GLYATL2: variants seen among roughly 807,000 people sequenced by gnomAD.
The protein encoded by GLYATL2 is glycine N-acyltransferase-like protein 2.
In GLYATL2, 25 loss-of-function variants were observed where a neutral mutation model predicts 21.4. That is an observed-to-expected ratio of 1.17 (90% CI 0.85 to 1.63). The LOEUF (loss-of-function observed/expected upper bound fraction) is 1.63, where lower values mean the gene tolerates loss of function less well. Among genes scored for constraint, GLYATL2 ranks in the 40% most tolerant of loss-of-function variants. The pLI is 0.00. For missense variants in GLYATL2, 361 were observed against 343.3 expected (o/e 1.05, Z -0.41); for synonymous variants, 114 against 118.2 (o/e 0.96, Z 0.23).
chr11:58,851,395 G>C (rs1163139531), intron 1 of GLYATL2, among the ~76,000 whole-genome samples: 4 of 152,068 alleles, frequency 2.6e-5, no homozygotes, highest in African/African-American at 4.8e-5. Context: ...CGCACTGGTT[G>C]ATTTGCATAT....
chr11:58,848,848 C>T (rs750006846), upstream of GLYATL2, among the ~76,000 whole-genome samples: 9 of 152,070 alleles, frequency 5.9e-5, no homozygotes, highest in Non-Finnish European at 1.0e-4. Context: ...TATCTGAGTA[C>T]AGGAAAGTTG....
At chr11:58,838,169 T>G (rs1230420019) in intron 3 of GLYATL2, 92 bp downstream of exon 3, 25 of 802,040 alleles carry the variant, frequency 3.1e-5, no homozygotes, top group Non-Finnish European at 3.1e-5. Flanking sequence ...GTCAATGTTC[T>G]TCTCACCACT....
At chr11:58,877,760 A>G (rs1387818501) in intron 1 of GLYATL2, among the ~76,000 whole-genome samples, 1 of 152,220 alleles carries the variant, frequency 6.6e-6, no homozygotes, top group Non-Finnish European at 1.5e-5. Flanking sequence ...TCCCAATTAG[A>G]TAAGATTAGG....
In GLYATL2 at chr11:58,886,596, A is replaced by C. The variant is rs556176921; in HGVS notation, n.60+17560T>G. ...ATACTGTATGTTAAACACTTAGTACATAGCACATAATTTTAAATAGTATCT... is the reference window on the plus strand; with the variant it reads ...ATACTGTATGTTAAACACTTAGTACCTAGCACATAATTTTAAATAGTATCT... On this transcript the variant is annotated intron_variant and non_coding_transcript_variant, in intron 1 of 4. Coordinates refer to the GLYATL2 transcript ENST00000533636. 6.6e-5 allele frequency among the ~76,000 whole-genome samples: 10 copies of C among 152,354 alleles called. No individual in the cohort carries two copies. The East Asian group carries it at 7.7e-4, about 12-fold the overall frequency.
chr11:58,904,024 C>T (rs1349492543), intron 1 of GLYATL2: 1 of 152,220 alleles, frequency 6.6e-6, no homozygotes, highest in Non-Finnish European at 1.5e-5. Flanking sequence ...TTGCTCAAGT[C>T]AAAAGCCCAA....
At chr11:58,869,259 T>C (rs1320616826) in intron 1 of GLYATL2, among the ~76,000 whole-genome samples, 1 of 152,168 alleles carries the variant, frequency 6.6e-6, no homozygotes, top group African/African-American at 2.4e-5. Flanking sequence ...ATAACACTGT[T>C]TGGCTCCAGT....
intron 1 of GLYATL2, among the ~76,000 whole-genome samples, chr11:58,876,032 C>G (rs1854224942): frequency 6.6e-6 from 1 of 152,138 alleles, no homozygotes; most frequent in Non-Finnish European, 1.5e-5. Flanking sequence ...TGCTTCATTT[C>G]ATTCATTTCA....
At chr11:58,895,820 A>G (rs941614772) in intron 1 of GLYATL2, among the ~76,000 whole-genome samples, 3 of 151,998 alleles carry the variant, frequency 2.0e-5, no homozygotes, top group African/African-American at 7.2e-5. Context: ...TAGAAAAGGG[A>G]TACCTGGAAG....
chr11:58,851,712 T>C (rs1002637201), intron 1 of GLYATL2, among the ~76,000 whole-genome samples: 1 of 152,174 alleles, frequency 6.6e-6, no homozygotes, highest in African/African-American at 2.4e-5. Flanking sequence ...CTCACTTCTG[T>C]AGAACTACAG....
chr11:58,837,989 T>C (rs1853470475), intron 3 of GLYATL2, among the ~76,000 whole-genome samples: 1 of 152,180 alleles, frequency 6.6e-6, no homozygotes, highest in Admixed American at 6.5e-5. Context: ...AAGTCTAGGT[T>C]GGGATGTATT....
At position 58,873,353 on chromosome 11, in the gene GLYATL2, T is replaced by C. The variant is rs574171811; in HGVS notation, n.60+30803A>G. Among the ~76,000 whole-genome samples the C allele has an allele frequency of 1.4e-3, 208 of 152,274 alleles. 1 individual carries two copies. The highest frequency in any genetic ancestry group is 4.8e-3 in the African/African-American group (198 of 41,548). On this transcript the variant is annotated intron_variant and non_coding_transcript_variant, in intron 1 of 4. Transcript: ENST00000533636. ...TAGGAGTGGTGAAAGAGGGCATCCC[T>C]GTCTTGTGCCAGTTTTCAAAGGGAA...
upstream of GLYATL2, among the ~76,000 whole-genome samples, chr11:58,845,335 T>C (rs4939227): frequency 0.26 from 39,937 of 152,068 alleles, 5,712 homozygotes; most frequent in East Asian, 0.5. Context: ...GTGCAGTGGC[T>C]CACATCGGTA....
chr11:58,891,613 C>CT (rs1302290661), intron 1 of GLYATL2, among the ~76,000 whole-genome samples: 1 of 152,230 alleles, frequency 6.6e-6, no homozygotes, highest in Non-Finnish European at 1.5e-5. Context: ...CCTCCACCCT[C>CT]TAGGACACTA....
chr11:58,836,179 T>C (rs1853427736), intron 5 of GLYATL2, among the ~76,000 whole-genome samples: 1 of 152,222 alleles, frequency 6.6e-6, no homozygotes, highest in African/African-American at 2.4e-5. Context: ...TGTACATTTG[T>C]TTATTTACAC....
the GLYATL2 span, among the ~76,000 whole-genome samples, chr11:58,909,343 T>A: frequency 1.3e-5 from 2 of 152,148 alleles, no homozygotes; most frequent in Admixed American, 1.3e-4. Context: ...TTAACAATAT[T>A]GTATACTTAA....
chr11:58,846,243 A>G (rs752782881), upstream of GLYATL2, among the ~76,000 whole-genome samples: 8 of 151,860 alleles, frequency 5.3e-5, no homozygotes, highest in Non-Finnish European at 1.0e-4. Context: ...TTTTTTTTAT[A>G]TAGTTTATAA....
At chr11:58,877,406 A>G (rs1291490156) in intron 1 of GLYATL2, among the ~76,000 whole-genome samples, 1 of 152,216 alleles carries the variant, frequency 6.6e-6, no homozygotes, top group Non-Finnish European at 1.5e-5. Context: ...CTTTTCAGCC[A>G]TCTTGGCTCC....
At position 58,899,681 on chromosome 11, in the gene GLYATL2, C is replaced by T. The variant is rs2003193; in HGVS notation, n.60+4475G>A. On this transcript the variant is annotated intron_variant and non_coding_transcript_variant, in intron 1 of 4. Transcript: ENST00000533636. ...GGGTTAGGGTTGCAGTCTGAGAAAGCACTCCAGGAATCACCCAAGATGGTC... is the reference window on the plus strand; with the variant it reads ...GGGTTAGGGTTGCAGTCTGAGAAAGTACTCCAGGAATCACCCAAGATGGTC... Among the ~76,000 whole-genome samples, 3,368 of 152,222 alleles carry T rather than the reference C, an allele frequency of 0.022. 261 individuals are homozygous for T. In the East Asian group the frequency reaches 0.26, roughly 12 times the overall value.
intron 1 of GLYATL2, among the ~76,000 whole-genome samples, chr11:58,867,693 T>G (rs1221329903): frequency 6.7e-6 from 1 of 148,828 alleles, no homozygotes; most frequent in Non-Finnish European, 1.5e-5. Flanking sequence ...CTGCCATGAG[T>G]GTTTTGGGAA....
Sources: allele counts gnomAD v4.1 joint callset (sites outside exome capture counted in the v4.1 genomes callset), GRCh38; gene constraint gnomAD v4.1.1; transcripts MANE v1.5; gene names NCBI Gene and HGNC (gene_info 2026-07-23, HGNC 2026-07-21).